Variants in RORA observed in about 807,000 individuals in gnomAD.
RORA encodes the protein RAR related orphan receptor A, also known as nuclear receptor ROR-alpha.
A neutral mutation model predicts 69.5 loss-of-function variants in RORA; 7 were observed. The observed-to-expected ratio is 0.10, with a 90% CI of 0.06 to 0.19. The LOEUF (loss-of-function observed/expected upper bound fraction) is 0.19, where lower values mean the gene tolerates loss of function less well. Among genes scored for constraint, RORA ranks in the 10% least tolerant of loss-of-function variants. The pLI, the probability that RORA is intolerant of heterozygous loss-of-function variation, is 1.00. For missense variants in RORA, 457 were observed against 663.0 expected, an observed-to-expected ratio of 0.69 and a Z score of 3.41; for synonymous variants, 261 against 240.8, an observed-to-expected ratio of 1.08 and a Z score of -0.78.
chr15:61,198,606 A>C (rs1268641947), intron 1 of RORA, among the ~76,000 whole-genome samples: 1 of 135,172 alleles, frequency 7.4e-6, no homozygotes, highest in Non-Finnish European at 1.6e-5. Flanking sequence ...TTCAATTCTA[A>C]AACGATATTT....
chr15:61,175,463 C>A (rs977406179), intron 1 of RORA, among the ~76,000 whole-genome samples: 1 of 149,070 alleles, frequency 6.7e-6, no homozygotes, highest in African/African-American at 2.5e-5. Context: ...CCCCAGCACT[C>A]TGGGTGGCTG....
chr15:60,681,508 T>C (rs1407475247), intron 1 of RORA: 1 of 152,200 alleles, frequency 6.6e-6, no homozygotes, highest in Non-Finnish European at 1.5e-5. Context: ...CCACAGTCCC[T>C]ACTACTAGAA....
chr15:60,706,590 G>C (rs900780187), intron 1 of RORA, among the ~76,000 whole-genome samples: 5 of 152,144 alleles, frequency 3.3e-5, no homozygotes, highest in African/African-American at 4.8e-5. Context: ...TTGAGAGAGG[G>C]AAGTATTTGT....
chr15:61,217,380 A>G (rs568193249), intron 1 of RORA, among the ~76,000 whole-genome samples: 1 of 152,168 alleles, frequency 6.6e-6, no homozygotes, highest in African/African-American at 2.4e-5. Flanking sequence ...GGGAGCTTCA[A>G]GAGGGAGAAG....
intron 1 of RORA, among the ~76,000 whole-genome samples, chr15:60,839,830 A>G (rs1032292087): frequency 3.3e-5 from 5 of 152,258 alleles, no homozygotes; most frequent in African/African-American, 1.2e-4. Context: ...GTATATGTGC[A>G]TATATCATAT....
intron 1 of RORA, among the ~76,000 whole-genome samples, chr15:61,126,322 C>T (rs2079142248): frequency 6.6e-6 from 1 of 152,176 alleles, no homozygotes; most frequent in African/African-American, 2.4e-5. Flanking sequence ...ATGATTAAAT[C>T]CAGCTAATCA....
At chr15:60,967,657 A>C (rs1294666323) in intron 1 of RORA, among the ~76,000 whole-genome samples, 1 of 152,224 alleles carries the variant, frequency 6.6e-6, no homozygotes, top group Non-Finnish European at 1.5e-5. Context: ...GGTCATTCAT[A>C]AAAGTTTAAT....
chr15:60,889,374 C>G (rs1289657476), intron 1 of RORA, among the ~76,000 whole-genome samples: 1 of 152,064 alleles, frequency 6.6e-6, no homozygotes. Context: ...AGGAAATCCC[C>G]CCTTCTGGAA....
chr15:60,682,625 A>G (rs964475544), intron 1 of RORA, among the ~76,000 whole-genome samples: 6 of 152,230 alleles, frequency 3.9e-5, no homozygotes, highest in African/African-American at 1.4e-4. Context: ...ATTTAAAAAA[A>G]TAAACAAAAG....
intron 1 of RORA, among the ~76,000 whole-genome samples, chr15:61,078,880 G>C (rs989003873): frequency 1.3e-5 from 2 of 152,120 alleles, no homozygotes; most frequent in Non-Finnish European, 2.9e-5. Context: ...ACAATGATCT[G>C]ATTGTTCTAA....
chr15:60,919,116 C>T (rs1891964650), intron 1 of RORA, among the ~76,000 whole-genome samples: 1 of 152,202 alleles, frequency 6.6e-6, no homozygotes, highest in African/African-American at 2.4e-5. Flanking sequence ...GGTCTCCAGA[C>T]TGTATTTCTT....
intron 2 of RORA, among the ~76,000 whole-genome samples, chr15:60,585,210 C>T (rs2068298918): frequency 1.3e-5 from 2 of 152,182 alleles, no homozygotes; most frequent in Non-Finnish European, 2.9e-5. Context: ...GATTCCGACA[C>T]AGAAATCAGA....
chr15:60,929,786 G>A (rs1892322843), intron 1 of RORA, among the ~76,000 whole-genome samples: 1 of 152,138 alleles, frequency 6.6e-6, no homozygotes, highest in Non-Finnish European at 1.5e-5. Context: ...CCATCTGGGA[G>A]TGCTTGCTAA....
intron 1 of RORA, among the ~76,000 whole-genome samples, chr15:60,942,438 C>T (rs765211222): frequency 2.6e-5 from 4 of 152,118 alleles, no homozygotes; most frequent in Admixed American, 6.5e-5. Flanking sequence ...ATTCATAAGG[C>T]GAATTATGTG....
At chr15:60,953,716 G>C (rs1336519878) in intron 1 of RORA, among the ~76,000 whole-genome samples, 17 of 151,766 alleles carry the variant, frequency 1.1e-4, no homozygotes, top group African/African-American at 3.9e-4. Context: ...GGCCATCAGA[G>C]AAAAGCAAAT....
chr15:61,139,542 C>G (rs2079278163), intron 1 of RORA, among the ~76,000 whole-genome samples: 1 of 152,182 alleles, frequency 6.6e-6, no homozygotes, highest in Non-Finnish European at 1.5e-5. Flanking sequence ...GAAAATGTGA[C>G]CAAGTTAAAC....
At chr15:60,678,605 C>A in intron 2 of RORA, 52 bp downstream of exon 2, 1 of 1,383,708 alleles carries the variant, frequency 7.2e-7, no homozygotes, top group South Asian at 1.2e-5. Flanking sequence ...CAGACATATG[C>A]GAATTCCAAC....
chr15:60,891,361 G>A (rs2072090050), intron 1 of RORA, among the ~76,000 whole-genome samples: 2 of 152,222 alleles, frequency 1.3e-5, no homozygotes, highest in African/African-American at 4.8e-5. Context: ...TGAAGAGTCA[G>A]ATGTACATAC....
intron 2 of RORA, among the ~76,000 whole-genome samples, chr15:60,631,669 C>T (rs2069739382): frequency 6.6e-6 from 1 of 152,084 alleles, no homozygotes; most frequent in Admixed American, 6.6e-5. Flanking sequence ...TTAGTTTTAA[C>T]ATCGGAGGGG....
Sources: allele counts gnomAD v4.1 joint callset (sites outside exome capture counted in the v4.1 genomes callset), GRCh38; gene constraint gnomAD v4.1.1; transcripts MANE v1.5; gene names NCBI Gene and HGNC (gene_info 2026-07-23, HGNC 2026-07-21).